LIPC: variants seen among roughly 807,000 people sequenced by gnomAD.
LIPC encodes lipase C, hepatic type, also known as hepatic triacylglycerol lipase.
A neutral mutation model predicts 50.7 loss-of-function variants in LIPC; 44 were observed. The ratio of observed to expected loss-of-function variants is 0.87; its 90% CI spans 0.68 to 1.11. LIPC has a LOEUF of 1.11. Ranked by LOEUF, LIPC falls within the 50% of genes most tolerant of loss-of-function variation. The pLI, the probability that LIPC is intolerant of heterozygous loss-of-function variation, is 0.00. For missense variants in LIPC, 697 were observed against 648.2 expected, an observed-to-expected ratio of 1.08 and a Z score of -0.82; for synonymous variants, 271 against 256.4, an observed-to-expected ratio of 1.06 and a Z score of -0.54.
intron 1 of LIPC, among the ~76,000 whole-genome samples, chr15:58,440,566 T>G (rs1212748299): frequency 6.6e-6 from 1 of 152,202 alleles, no homozygotes; most frequent in Admixed American, 6.5e-5. Context: ...GTACATCCAC[T>G]CACCAAGGAC....
intron 1 of LIPC, among the ~76,000 whole-genome samples, chr15:58,471,596 G>T (rs1595877663): frequency 6.6e-6 from 1 of 152,202 alleles, no homozygotes; most frequent in Non-Finnish European, 1.5e-5. Context: ...GCAGCAAGAG[G>T]CAGTCTGAGT....
rs16940451 is a variant in LIPC, at chr15:58,533,133, A to C, written c.89-5200A>C. 7.1e-3 allele frequency: 7,028 copies of C among 983,920 alleles called. 431 individuals carry two copies. In the African/African-American group the frequency reaches 0.11, roughly 16 times the overall value. 60.9% of individuals were successfully genotyped at this position (983,920 alleles called of 1,614,324 possible). On this transcript the variant is annotated intron_variant, in intron 1 of 8. Transcript: ENST00000299022. ...ACCACAGTATCATCCCCAGATTCTTATCACTGGTGTGACTACCTCTTCTGA... is the reference window on the plus strand; with the variant it reads ...ACCACAGTATCATCCCCAGATTCTTCTCACTGGTGTGACTACCTCTTCTGA...
intron 1 of LIPC, among the ~76,000 whole-genome samples, chr15:58,535,493 T>A (rs1893088564): frequency 1.3e-5 from 2 of 152,222 alleles, no homozygotes; most frequent in South Asian, 4.1e-4. Context: ...ACAACTGTTT[T>A]CCATGGTCTC....
intron 1 of LIPC, among the ~76,000 whole-genome samples, chr15:58,455,922 G>C (rs1167944972): frequency 6.6e-6 from 1 of 152,062 alleles, no homozygotes; most frequent in Non-Finnish European, 1.5e-5. Flanking sequence ...CATAAAAAGA[G>C]ACCTAACAGC....
At chr15:58,518,570 A>T (rs1892553445) in intron 1 of LIPC, among the ~76,000 whole-genome samples, 1 of 152,030 alleles carries the variant, frequency 6.6e-6, no homozygotes, top group Non-Finnish European at 1.5e-5. Flanking sequence ...AACCCAATCC[A>T]CTTTCCAAGG....
At chr15:58,515,550 A>ATATC (rs1280542727) in intron 1 of LIPC, among the ~76,000 whole-genome samples, 3 of 151,046 alleles carry the variant, frequency 2.0e-5, no homozygotes, top group Non-Finnish European at 4.4e-5. Context: ...ATATATATAT[A>ATATC]TATCTCAAAA....
chr15:58,433,037 T>C (rs1391946562), intron 1 of LIPC, among the ~76,000 whole-genome samples: 1 of 152,256 alleles, frequency 6.6e-6, no homozygotes, highest in African/African-American at 2.4e-5. Flanking sequence ...CTATTTTACT[T>C]CATAGGCCAG....
At chr15:58,496,001 G>A (rs1281318441) in intron 1 of LIPC, among the ~76,000 whole-genome samples, 4 of 152,190 alleles carry the variant, frequency 2.6e-5, no homozygotes, top group African/African-American at 9.7e-5. Flanking sequence ...TAAGAAAAGG[G>A]AAGCTTGAGG....
At chr15:58,471,134 C>CTTTTTTTT (rs34225435) in intron 1 of LIPC, among the ~76,000 whole-genome samples, 7 of 114,640 alleles carry the variant, frequency 6.1e-5, no homozygotes, top group African/African-American at 6.8e-5. Flanking sequence ...TTTCTTTTCT[C>CTTTTTTTT]TTTTTTTTTT....
chr15:58,538,480 C>A lies in LIPC; in HGVS notation c.236C>A (p.Ser79Tyr). The change falls in exon 2 of 9, where the codon TCC (serine) becomes TAC (tyrosine). Residue 79 changes from serine to tyrosine, a missense_variant. Ser to Tyr is a moderately radical substitution (Grantham distance 144). Coordinates refer to ENST00000299022, the MANE Select transcript of LIPC (RefSeq NM_000236.3). The stretch of plus-strand genomic sequence containing the variant: ...ACGTTACAGGAGTGCGGCTTCAACT[C>A]CTCCCTGCCTCTGGTGATGATAATC... ...PDTLQECGFN[S>Y]SLPLVMIIHG... 4 of 1,614,192 alleles carry A rather than the reference C, an allele frequency of 2.5e-6. No individual in the cohort carries two copies. The highest frequency in any genetic ancestry group is 3.4e-6 in the Non-Finnish European group (4 of 1,180,034).
intron 1 of LIPC, among the ~76,000 whole-genome samples, chr15:58,487,011 A>G (rs567292197): frequency 6.6e-6 from 1 of 152,242 alleles, no homozygotes; most frequent in South Asian, 2.1e-4. Context: ...CTGCGTGTGT[A>G]CCTCACACTG....
chr15:58,561,326 G>A (rs1894155265), intron 7 of LIPC, among the ~76,000 whole-genome samples: 1 of 152,186 alleles, frequency 6.6e-6, no homozygotes, highest in Admixed American at 6.5e-5. Context: ...GTTTGGGGTT[G>A]GAGGTGCAGG....
chr15:58,561,280 C>T (rs948999117), intron 7 of LIPC, among the ~76,000 whole-genome samples: 1 of 152,198 alleles, frequency 6.6e-6, no homozygotes, highest in East Asian at 1.9e-4. Context: ...AAGATGTACA[C>T]TGGTTTGGTC....
intron 1 of LIPC, among the ~76,000 whole-genome samples, chr15:58,452,150 C>A (rs1380940889): frequency 6.6e-6 from 1 of 152,156 alleles, no homozygotes; most frequent in African/African-American, 2.4e-5. Flanking sequence ...CACAGTGATT[C>A]TCAAATTGTG....
intron 6 of LIPC, among the ~76,000 whole-genome samples, chr15:58,555,828 G>T (rs1298048181): frequency 1.3e-5 from 2 of 152,184 alleles, no homozygotes; most frequent in East Asian, 3.9e-4. Flanking sequence ...TCGTGGGAGG[G>T]CAGTGGCTGC....
At chr15:58,472,026 T>C (rs1175133334) in intron 1 of LIPC, among the ~76,000 whole-genome samples, 1 of 152,132 alleles carries the variant, frequency 6.6e-6, no homozygotes, top group Non-Finnish European at 1.5e-5. Flanking sequence ...TCCCAGCACT[T>C]TGGGAGGCCA....
At chr15:58,553,585 C>G (rs971202921) in intron 6 of LIPC, among the ~76,000 whole-genome samples, 2 of 151,918 alleles carry the variant, frequency 1.3e-5, no homozygotes, top group African/African-American at 4.8e-5. Flanking sequence ...AGAGTGAGAC[C>G]CTGTTTCAAA....
chr15:58,562,374 T>C (rs1316957423), intron 7 of LIPC, among the ~76,000 whole-genome samples: 1 of 152,196 alleles, frequency 6.6e-6, no homozygotes, highest in Non-Finnish European at 1.5e-5. Context: ...CCCAAGAGCC[T>C]TTCCAGTGAG....
chr15:58,514,063 A>AATG (rs1217596144), intron 1 of LIPC, among the ~76,000 whole-genome samples: 1 of 152,192 alleles, frequency 6.6e-6, no homozygotes, highest in African/African-American at 2.4e-5. Context: ...ATGAGAAGAG[A>AATG]ATGACAACAG....
Sources: allele counts gnomAD v4.1 joint callset (sites outside exome capture counted in the v4.1 genomes callset), GRCh38; gene constraint gnomAD v4.1.1; transcripts MANE v1.5; gene names NCBI Gene and HGNC (gene_info 2026-07-23, HGNC 2026-07-21).